PHF8: variants seen among roughly 807,000 people sequenced by gnomAD.
PHF8 encodes the protein histone lysine demethylase PHF8.
A neutral mutation model predicts 74.4 loss-of-function variants in PHF8; 9 were observed. That is an observed-to-expected ratio of 0.12 (90% CI 0.07 to 0.21). The LOEUF (loss-of-function observed/expected upper bound fraction) is 0.21. Among genes scored for constraint, PHF8 ranks in the 10% least tolerant of loss-of-function variants. The pLI is 1.00. For synonymous variants in PHF8, 311 were observed against 316.6 expected (o/e 0.98, Z 0.19); for missense variants, 478 against 816.6 (o/e 0.59, Z 5.05).
chrX:54,004,913 A>G (rs149626560), intron 8 of PHF8, among the ~76,000 whole-genome samples: 1,304 of 95,025 alleles, frequency 0.014, 15 homozygotes, highest in African/African-American at 0.073. Context: ...GCTAGAGAGA[A>G]ACTCTGTGTC....
chrX:53,982,743 T>G (rs781980296), intron 18 of PHF8, among the ~76,000 whole-genome samples: 7 of 112,372 alleles, frequency 6.2e-5, no homozygotes, highest in Non-Finnish European at 1.1e-4. Context: ...AAATGACTAC[T>G]GATGTGGAAA....
At chrX:53,961,832 CCTTCAGTGTG>C (rs2065110799) in intron 19 of PHF8, among the ~76,000 whole-genome samples, 1 of 110,867 alleles carries the variant, frequency 9.0e-6, no homozygotes. Flanking sequence ...GCAGTAATGG[CCTTCAGTGTG>C]CTCATGTATC....
At chrX:53,992,657 T>G in intron 14 of PHF8, 79 bp downstream of exon 14, 1 of 589,278 alleles carries the variant, frequency 1.7e-6, no homozygotes, top group South Asian at 2.4e-5. Flanking sequence ...AACCCCTAGA[T>G]TCCAATTCCA....
In PHF8 at chrX:54,028,427, C is replaced by T. The variant is rs182499990; in HGVS notation, c.99-5584G>A. The stretch of plus-strand genomic sequence containing the variant: ...CATGTCTTTGGCTGTTCCTTTTTCC[C>T]GATGAACTCTTTTTCTCCTGCCCAG... On this transcript the variant is annotated intron_variant, in intron 2 of 21. Coordinates refer to ENST00000338154, the MANE Select transcript of PHF8 (RefSeq NM_015107.3). Among the ~76,000 whole-genome samples the T allele has an allele frequency of 1.5e-3, 161 of 110,920 alleles. 2 individuals are homozygous for T. The highest frequency in any genetic ancestry group is 5.0e-3 in the African/African-American group (152 of 30,502).
At chrX:54,042,913 C>G in intron 1 of PHF8, 93 bp from the exon 2 acceptor site, 1 of 709,105 alleles carries the variant, frequency 1.4e-6, no homozygotes, top group Middle Eastern at 4.8e-4. Flanking sequence ...GTTACCGCCG[C>G]CGGGATGCAA....
At chrX:54,037,914 A>G (rs145021262) in intron 2 of PHF8, among the ~76,000 whole-genome samples, 66 of 112,680 alleles carry the variant, frequency 5.9e-4, no homozygotes, top group African/African-American at 1.9e-3. Flanking sequence ...TTATTTGCTA[A>G]TATGTAACAG....
chrX:53,973,091 G>C (rs1157543384), intron 18 of PHF8, among the ~76,000 whole-genome samples: 1 of 111,348 alleles, frequency 9.0e-6, no homozygotes, highest in Non-Finnish European at 1.9e-5. Context: ...ACATAACAAG[G>C]GAAACGAAGG....
chrX:53,938,116 A>G lies in PHF8; in HGVS notation c.*1042T>C. 1 of 1,152,190 alleles carries G rather than the reference A, an allele frequency of 8.7e-7. No individual in the cohort carries two copies. Among genetic ancestry groups the G allele is most frequent in the South Asian group, 2.0e-5 (1 of 50,715 alleles). The allele number at this position is 1,152,190 out of a possible 1,213,427, so 95.0% of individuals were successfully genotyped here. ...TGAGTCCTGAGGTCTTCTTCAGACCAAGACCTCAGGTGGAGAAAGAAGCAT... is the reference window on the plus strand; with the variant it reads ...TGAGTCCTGAGGTCTTCTTCAGACCGAGACCTCAGGTGGAGAAAGAAGCAT... On this transcript the variant is annotated 3_prime_UTR_variant, in exon 22 of 22. Coordinates refer to ENST00000338154, the MANE Select transcript of PHF8 (RefSeq NM_015107.3).
At chrX:53,950,379 T>TA (rs1403989567) in intron 19 of PHF8, among the ~76,000 whole-genome samples, 37 of 111,920 alleles carry the variant, frequency 3.3e-4, no homozygotes, top group African/African-American at 1.2e-3. Context: ...CCCAAATGGT[T>TA]AAAAAAAAGC....
intron 8 of PHF8, among the ~76,000 whole-genome samples, chrX:54,010,568 T>C (rs1384094463): frequency 8.9e-6 from 1 of 111,773 alleles, no homozygotes; most frequent in East Asian, 2.8e-4. Flanking sequence ...ACACTAATTC[T>C]GATTAAAGAA....
chrX:53,941,357 T>C (rs888543980), intron 20 of PHF8, among the ~76,000 whole-genome samples: 5 of 112,570 alleles, frequency 4.4e-5, no homozygotes, highest in Middle Eastern at 4.6e-3. Flanking sequence ...TCTTTTTCTT[T>C]TAACAGTGGG....
chrX:53,942,701 A>T (rs1557083896), intron 20 of PHF8: 1 of 730,652 alleles, frequency 1.4e-6, no homozygotes, highest in East Asian at 1.5e-4. Flanking sequence ...ATATAGAAAA[A>T]GGCCTCTGAA....
chrX:53,985,958 G>C lies in PHF8; in HGVS notation c.1996-9C>G. On this transcript the variant is annotated splice_polypyrimidine_tract_variant and intron_variant, in intron 16 of 21. Transcript: ENST00000338154. ...TCTGTTGTATAGTCCTCCTGTTGGA[G>C]AGAGAGTGTATCACCTCAGCTGCCC... 1 of 1,209,353 alleles carries C rather than the reference G, an allele frequency of 8.3e-7. No homozygotes were observed. Among genetic ancestry groups the C allele is most frequent in the Non-Finnish European group, 1.1e-6 (1 of 893,527 alleles).
At chrX:53,973,544 A>C (rs2065327234) in intron 18 of PHF8, among the ~76,000 whole-genome samples, 1 of 111,477 alleles carries the variant, frequency 9.0e-6, no homozygotes, top group Non-Finnish European at 1.9e-5. Flanking sequence ...CAATAGAGAA[A>C]GGATTCTCTA....
chrX:54,044,326 A>G lies in PHF8; in HGVS notation c.-657T>C. ...CCAGTGGCGGTGGTAGGCAATTCGGAGTAGTCAATAAAGTTTATTCAAAAC... is the reference window on the plus strand; with the variant it reads ...CCAGTGGCGGTGGTAGGCAATTCGGGGTAGTCAATAAAGTTTATTCAAAAC... On this transcript the variant is annotated 5_prime_UTR_variant, in exon 1 of 22. Transcript: ENST00000338154. The G allele has an allele frequency of 2.7e-6, 2 of 753,778 alleles. No individual in the cohort carries two copies. Among genetic ancestry groups the G allele is most frequent in the Non-Finnish European group, 3.1e-6 (2 of 638,450 alleles). The allele number at this position is 753,778 out of a possible 1,213,427, so 62.1% of individuals were successfully genotyped here. A position where few individuals can be genotyped will look rare whatever the true frequency, so the allele number is the denominator to read the frequency against.
At chrX:53,964,352 T>C (rs782156053) in intron 18 of PHF8, among the ~76,000 whole-genome samples, 66 of 110,923 alleles carry the variant, frequency 6.0e-4, no homozygotes, top group African/African-American at 1.9e-3. Flanking sequence ...CTGCACGTTC[T>C]GCACATGTAT....
At chrX:53,979,557 G>A (rs2065446633) in intron 18 of PHF8, among the ~76,000 whole-genome samples, 1 of 111,059 alleles carries the variant, frequency 9.0e-6, no homozygotes, top group South Asian at 3.7e-4. Flanking sequence ...TTTTTGAAAA[G>A]ACTAGCAATC....
Position 53,937,848 on chromosome X carries a change from G to A in PHF8, c.*1310C>T, listed in dbSNP as rs782145546. 443 of 520,009 alleles carry A rather than the reference G, an allele frequency of 8.5e-4. 2 individuals are homozygous for A. Among genetic ancestry groups the A allele is most frequent in the Admixed American group, 2.1e-3 (69 of 33,545 alleles). 42.9% of individuals were successfully genotyped at this position (520,009 alleles called of 1,213,427 possible). On this transcript the variant is annotated 3_prime_UTR_variant, in exon 22 of 22. Coordinates refer to ENST00000338154, the MANE Select transcript of PHF8 (RefSeq NM_015107.3). ...CTTGGGTAGTGCCAAATGGAGGTGG[G>A]GGGATGTTCTCCATCGAGTCCAGAT...
At chrX:54,017,522 A>G (rs1355145171) in intron 5 of PHF8, 139 bp downstream of exon 5, 1 of 511,002 alleles carries the variant, frequency 2.0e-6, no homozygotes, top group Non-Finnish European at 3.4e-6. Flanking sequence ...TCTGCCAAAG[A>G]ATGACTTTGG....
Sources: allele counts gnomAD v4.1 joint callset (sites outside exome capture counted in the v4.1 genomes callset), GRCh38; gene constraint gnomAD v4.1.1; transcripts MANE v1.5; gene names NCBI Gene and HGNC (gene_info 2026-07-23, HGNC 2026-07-21).